Variants in GCNT1 observed in about 807,000 individuals in gnomAD.
GCNT1 encodes beta-1,3-galactosyl-O-glycosyl-glycoprotein beta-1,6-N-acetylglucosaminyltransferase.
GCNT1 carries 16 observed loss-of-function variants against 26.2 expected under a neutral mutation model. The observed-to-expected ratio is 0.61, with a 90% confidence interval of 0.41 to 0.93. GCNT1 has a LOEUF of 0.93. GCNT1 is among the 40% of genes least tolerant of loss of function. The pLI, the probability that GCNT1 is intolerant of heterozygous loss-of-function variation, is 0.00. For synonymous variants in GCNT1, 183 were observed against 190.8 expected, an observed-to-expected ratio of 0.96 and a Z score of 0.34; for missense variants, 477 against 526.7, an observed-to-expected ratio of 0.91 and a Z score of 0.92.
chr9:76,503,508 A>G lies in GCNT1; in HGVS notation c.1127A>G (p.His376Arg). Residue 376 changes from histidine to arginine, a missense_variant, in exon 4 of 4, where the codon CAT becomes CGT. Transcript: ENST00000376730. Reference protein sequence around the residue: ...GAPYPPCDGVHVRSVCIFGAG... With the variant: ...GAPYPPCDGVRVRSVCIFGAG... ...CCCTACCCGCCCTGCGATGGAGTCC[A>G]TGTGCGCTCAGTGTGCATTTTCGGA... 2.5e-6 allele frequency: 4 copies of G among 1,614,216 alleles called. No individual in the cohort carries two copies. The highest frequency in any genetic ancestry group is 3.4e-6 in the Non-Finnish European group (4 of 1,180,042).
At chr9:76,478,496 A>G (rs556807608) in intron 2 of GCNT1, among the ~76,000 whole-genome samples, 1 of 152,350 alleles carries the variant, frequency 6.6e-6, no homozygotes, top group South Asian at 2.1e-4. Flanking sequence ...TAAGAGCTGT[A>G]ATACTCACCG....
intron 1 of GCNT1, among the ~76,000 whole-genome samples, chr9:76,426,077 A>G (rs1823254189): frequency 6.6e-6 from 1 of 152,196 alleles, no homozygotes; most frequent in Middle Eastern, 3.2e-3. Context: ...CTAATTTGTT[A>G]GTCCTACAAA....
the GCNT1 span, among the ~76,000 whole-genome samples, chr9:76,401,436 G>A: frequency 3.9e-5 from 6 of 151,928 alleles, no homozygotes; most frequent in African/African-American, 1.5e-4. Context: ...ATAAAAACAA[G>A]TGTTATTTTA....
At chr9:76,502,177 CTGTATA>C (rs879305550) in intron 3 of GCNT1, 56 bp from the exon 4 acceptor site, 42,967 of 114,502 alleles carry the variant, frequency 0.38, 6,365 homozygotes, top group East Asian at 0.59. Context: ...CTCTCTCTCT[CTGTATA>C]TATATATATA....
At chr9:76,422,050 G>A (rs2131571365) in intron 1 of GCNT1, among the ~76,000 whole-genome samples, 1 of 152,228 alleles carries the variant, frequency 6.6e-6, no homozygotes, top group African/African-American at 2.4e-5. Context: ...AGGGCAGCAG[G>A]AGAGAGAATG....
upstream of GCNT1, among the ~76,000 whole-genome samples, chr9:76,415,704 A>G (rs958444880): frequency 6.6e-6 from 1 of 152,244 alleles, no homozygotes; most frequent in African/African-American, 2.4e-5. Context: ...GCCAAAGCAC[A>G]TGTGAAACAG....
the GCNT1 span, chr9:76,399,469 G>A: frequency 1.3e-6 from 2 of 1,583,060 alleles, no homozygotes; most frequent in Non-Finnish European, 1.7e-6. Flanking sequence ...TGCCCTCTGT[G>A]CCTATTCAGC....
chr9:76,424,336 T>C lies in GCNT1; in HGVS notation n.38+4449T>C, dbSNP rs148041682. Among the ~76,000 whole-genome samples the C allele has an allele frequency of 2.6e-3, 401 of 152,316 alleles. 1 individual carries two copies. The highest frequency in any genetic ancestry group is 9.3e-3 in the African/African-American group (387 of 41,576). On this transcript the variant is annotated intron_variant and non_coding_transcript_variant, in intron 1 of 3. Coordinates refer to the GCNT1 transcript ENST00000488136. ...ATTTGAACTAGGGGAAAAAAAGTTG[T>C]TTCTACCTGTAGTGCCTCTCCAGCT...
upstream of GCNT1, among the ~76,000 whole-genome samples, chr9:76,439,146 G>A (rs1321263842): frequency 6.6e-6 from 1 of 152,024 alleles, no homozygotes; most frequent in Admixed American, 6.6e-5. Context: ...TATCACCTGG[G>A]AACTTGTTAG....
rs77685100 is a variant in GCNT1, at chr9:76,450,803, T to C, written c.-290+8488T>C. Among the ~76,000 whole-genome samples the C allele has an allele frequency of 6.0e-3, 910 of 152,374 alleles. 9 individuals are homozygous for C. The highest frequency in any genetic ancestry group is 0.021 in the African/African-American group (859 of 41,590). On this transcript the variant is annotated intron_variant, in intron 1 of 2. Transcript: ENST00000442371. ...CTTACATACTATTGCATATATTTTC[T>C]AGTTTGTTGACTTTTAACTTTGTTT...
At chr9:76,404,178 A>C in the GCNT1 span, among the ~76,000 whole-genome samples, 73 of 152,364 alleles carry the variant, frequency 4.8e-4, no homozygotes, top group East Asian at 8.9e-3. Flanking sequence ...TGTTACCAAC[A>C]GTAATTACAT....
the GCNT1 span, among the ~76,000 whole-genome samples, chr9:76,404,959 G>A: frequency 1.3e-5 from 2 of 151,984 alleles, no homozygotes; most frequent in Non-Finnish European, 1.5e-5. Context: ...GGGATCACAG[G>A]CGTGTACACC....
chr9:76,478,969 T>C (rs1041371117), intron 2 of GCNT1, among the ~76,000 whole-genome samples: 1 of 152,212 alleles, frequency 6.6e-6, no homozygotes, highest in Non-Finnish European at 1.5e-5. Context: ...TAACTTGTCA[T>C]TTACATTAGG....
At chr9:76,433,846 T>C (rs1823369723) in intron 1 of GCNT1, among the ~76,000 whole-genome samples, 4 of 152,224 alleles carry the variant, frequency 2.6e-5, no homozygotes, top group Non-Finnish European at 1.5e-5. Flanking sequence ...TTCTACTTTC[T>C]AGTGGCTGTG....
chr9:76,432,729 C>T (rs1823353858), intron 1 of GCNT1, among the ~76,000 whole-genome samples: 1 of 152,182 alleles, frequency 6.6e-6, no homozygotes, highest in Admixed American at 6.5e-5. Context: ...AAAACCCCAC[C>T]TTCAAGCCAA....
At chr9:76,396,255 G>A in the GCNT1 span, among the ~76,000 whole-genome samples, 21 of 152,218 alleles carry the variant, frequency 1.4e-4, no homozygotes, top group Admixed American at 1.4e-3. Flanking sequence ...ACTGTCTCAT[G>A]TAATCCTCTC....
intron 2 of GCNT1, among the ~76,000 whole-genome samples, chr9:76,476,551 A>T (rs1261559098): frequency 2.6e-5 from 2 of 76,954 alleles, no homozygotes; most frequent in Non-Finnish European, 5.3e-5. Flanking sequence ...ATTGCTATTT[A>T]AAAAAAAAAA....
At chr9:76,488,184 A>G (rs1824633205) in intron 2 of GCNT1, among the ~76,000 whole-genome samples, 1 of 152,212 alleles carries the variant, frequency 6.6e-6, no homozygotes, top group African/African-American at 2.4e-5. Flanking sequence ...TTTCATGATT[A>G]ATGAATACAT....
intron 1 of GCNT1, among the ~76,000 whole-genome samples, chr9:76,432,672 C>A (rs141908547): frequency 3.9e-5 from 6 of 152,090 alleles, no homozygotes; most frequent in Admixed American, 3.3e-4. Context: ...ATACTGATAG[C>A]GGTAGGAGGC....
Sources: gnomAD v4.1 joint callset for allele counts (sites outside exome capture counted in the v4.1 genomes callset) on GRCh38, gnomAD v4.1.1 for gene constraint, MANE v1.5 for transcripts, NCBI Gene and HGNC (gene_info 2026-07-23, HGNC 2026-07-21) for gene names.